SHANK2: variants seen among roughly 807,000 people sequenced by gnomAD.
SHANK2 encodes the protein SH3 and multiple ankyrin repeat domains protein 2.
SHANK2 carries 43 observed loss-of-function variants against 133.7 expected under a neutral mutation model. That is an observed-to-expected ratio of 0.32 (90% CI 0.25 to 0.41). The LOEUF is 0.41. Ranked by LOEUF, SHANK2 falls within the 10% of genes least tolerant of loss-of-function variation. SHANK2 has a pLI of 1.00. For missense variants in SHANK2, 1,994 were observed against 2,235.8 expected, an observed-to-expected ratio of 0.89 and a Z score of 2.18; for synonymous variants, 1,017 against 952.8, an observed-to-expected ratio of 1.07 and a Z score of -1.24.
At chr11:70,476,438 C>T (rs1312863083) in intron 25 of SHANK2, among the ~76,000 whole-genome samples, 1 of 152,144 alleles carries the variant, frequency 6.6e-6, no homozygotes, top group African/African-American at 2.4e-5. Context: ...AAGACCAGCT[C>T]CAGTTCCAAC....
intron 1 of SHANK2, among the ~76,000 whole-genome samples, chr11:71,243,580 A>G (rs1954920525): frequency 6.6e-6 from 1 of 152,146 alleles, no homozygotes; most frequent in South Asian, 2.1e-4. Context: ...CTGTAGTGCC[A>G]GCTACTCGGG....
At chr11:70,499,138 C>T (rs1414244197) in intron 21 of SHANK2, among the ~76,000 whole-genome samples, 1 of 152,252 alleles carries the variant, frequency 6.6e-6, no homozygotes, top group African/African-American at 2.4e-5. Flanking sequence ...ACTATGTGCC[C>T]CGCACTTCGC....
rs114773423 is a variant in SHANK2 at position 70,867,062 on chromosome 11, G to A, written c.1174+29439C>T. ...CGTGGACACCACCATGGACAGCACAGAAGGGAAACAGGACCTCGTAGCCCA... is the reference window on the plus strand; with the variant it reads ...CGTGGACACCACCATGGACAGCACAAAAGGGAAACAGGACCTCGTAGCCCA... On this transcript the variant is annotated intron_variant, in intron 11 of 25. Transcript: ENST00000601538. Among the ~76,000 whole-genome samples, 911 of 149,674 alleles carry A rather than the reference G, an allele frequency of 6.1e-3. 12 individuals carry two copies. The highest frequency in any genetic ancestry group is 0.022 in the African/African-American group (881 of 40,616).
At chr11:70,752,799 A>G (rs1946782874) in intron 14 of SHANK2, among the ~76,000 whole-genome samples, 2 of 151,872 alleles carry the variant, frequency 1.3e-5, no homozygotes, top group Admixed American at 6.6e-5. Flanking sequence ...TAAACCTACA[A>G]CCTAACATTG....
intron 6 of SHANK2, among the ~76,000 whole-genome samples, chr11:71,098,374 T>C (rs1555095988): frequency 1.3e-5 from 2 of 151,768 alleles, no homozygotes; most frequent in African/African-American, 4.8e-5. Flanking sequence ...GCTGCAAAAA[T>C]CAAACGACTG....
At chr11:71,186,972 G>A (rs1591000715) in intron 2 of SHANK2, among the ~76,000 whole-genome samples, 5 of 152,166 alleles carry the variant, frequency 3.3e-5, no homozygotes, top group African/African-American at 7.2e-5. Context: ...TCCTCCTGCC[G>A]TAGCTGGTTT....
At chr11:71,150,293 G>A (rs1455868562) in intron 2 of SHANK2, among the ~76,000 whole-genome samples, 12 of 84,424 alleles carry the variant, frequency 1.4e-4, no homozygotes, top group African/African-American at 5.9e-4. Flanking sequence ...GAGGGAGGGA[G>A]GGAGAAGGAA....
chr11:71,134,182 A>G (rs1555104338), intron 3 of SHANK2, among the ~76,000 whole-genome samples: 1 of 151,796 alleles, frequency 6.6e-6, no homozygotes, highest in Non-Finnish European at 1.5e-5. Flanking sequence ...AGGAGAGGCA[A>G]AGAACTGAGA....
At chr11:71,167,900 A>G (rs7951699) in intron 2 of SHANK2, among the ~76,000 whole-genome samples, 26,950 of 130,114 alleles carry the variant, frequency 0.21, 3,149 homozygotes, top group African/African-American at 0.28. Flanking sequence ...CCTCCCGGAC[A>G]GGGCGGCTGT....
intron 6 of SHANK2, among the ~76,000 whole-genome samples, chr11:71,103,194 T>C (rs1951746569): frequency 1.3e-5 from 2 of 152,308 alleles, no homozygotes; most frequent in South Asian, 4.1e-4. Context: ...CCAGTTGGGC[T>C]CTCAGAGCTT....
chr11:71,149,226 C>T (rs1277567806), intron 2 of SHANK2, among the ~76,000 whole-genome samples: 7 of 152,100 alleles, frequency 4.6e-5, no homozygotes, highest in Non-Finnish European at 2.9e-5. Flanking sequence ...GAGAACAGCT[C>T]GCTGCCTTCC....
intron 17 of SHANK2, among the ~76,000 whole-genome samples, chr11:70,557,932 C>G (rs782264006): frequency 1.6e-4 from 24 of 152,224 alleles, no homozygotes; most frequent in Non-Finnish European, 1.9e-4. Flanking sequence ...AACACTTTCC[C>G]CTTCAAAATG....
At chr11:70,504,129 C>A (rs368812583) in intron 17 of SHANK2, among the ~76,000 whole-genome samples, 2 of 152,228 alleles carry the variant, frequency 1.3e-5, no homozygotes, top group South Asian at 2.1e-4. Flanking sequence ...GCACCCTGAT[C>A]GTAAACAACA....
At chr11:70,692,281 ACACTGCT>A (rs1945305038) in intron 15 of SHANK2, among the ~76,000 whole-genome samples, 1 of 152,212 alleles carries the variant, frequency 6.6e-6, no homozygotes, top group South Asian at 2.1e-4. Flanking sequence ...CTACCCACAC[ACACTGCT>A]CACAACTCAG....
At chr11:71,241,491 C>T (rs1434271985) in intron 1 of SHANK2, among the ~76,000 whole-genome samples, 3 of 152,200 alleles carry the variant, frequency 2.0e-5, no homozygotes, top group African/African-American at 7.2e-5. Context: ...GCAAATGACC[C>T]ATTGCACAAT....
intron 17 of SHANK2, among the ~76,000 whole-genome samples, chr11:70,624,024 T>C (rs2060869572): frequency 6.6e-6 from 1 of 151,080 alleles, no homozygotes; most frequent in African/African-American, 2.4e-5. Flanking sequence ...ACTGGAGCCA[T>C]GGGAGGCAGG....
At chr11:70,908,828 G>A (rs533797114) in intron 10 of SHANK2, among the ~76,000 whole-genome samples, 16 of 152,244 alleles carry the variant, frequency 1.1e-4, no homozygotes, top group Non-Finnish European at 1.5e-4. Context: ...GTCAAACCGC[G>A]ACCCAACTGA....
intron 14 of SHANK2, among the ~76,000 whole-genome samples, chr11:70,793,862 A>G (rs1360292504): frequency 6.6e-6 from 1 of 152,202 alleles, no homozygotes; most frequent in Non-Finnish European, 1.5e-5. Context: ...GACTCACACA[A>G]AAACCTTTTT....
intron 17 of SHANK2, among the ~76,000 whole-genome samples, chr11:70,655,352 C>T (rs2061393827): frequency 6.6e-6 from 1 of 152,232 alleles, no homozygotes; most frequent in Non-Finnish European, 1.5e-5. Flanking sequence ...CATGACATTA[C>T]AGAGTCAGAC....
Sources: allele counts gnomAD v4.1 joint callset (sites outside exome capture counted in the v4.1 genomes callset), GRCh38; gene constraint gnomAD v4.1.1; transcripts MANE v1.5; gene names NCBI Gene and HGNC (gene_info 2026-07-23, HGNC 2026-07-21).